The following RNF187 variants were observed in gnomAD, a reference collection of about 807,000 sequenced individuals.
RNF187 encodes ring finger protein 187, also known as E3 ubiquitin-protein ligase RNF187.
RNF187 carries 18 observed loss-of-function variants against 22.2 expected under a neutral mutation model. The ratio of observed to expected loss-of-function variants is 0.81; its 90% CI spans 0.56 to 1.20. The LOEUF (loss-of-function observed/expected upper bound fraction) is 1.20, where lower values mean the gene tolerates loss of function less well. Among genes scored for constraint, RNF187 ranks in the 50% most tolerant of loss-of-function variants. The pLI, the probability that RNF187 is intolerant of heterozygous loss-of-function variation, is 0.00. For missense variants in RNF187, 329 were observed against 317.6 expected (o/e 1.04, Z -0.27); for synonymous variants, 164 against 140.9 (o/e 1.16, Z -1.16).
chr1:228,493,141 A>T lies in RNF187; in HGVS notation c.572A>T (p.Gln191Leu). 1 of 1,551,730 alleles carries T rather than the reference A, an allele frequency of 6.4e-7. No individual in the cohort carries two copies. Among genetic ancestry groups the T allele is most frequent in the Non-Finnish European group, 8.7e-7 (1 of 1,146,986 alleles). The change falls in exon 3 of 4, where the codon CAG becomes CTG. Residue 191 changes from glutamine to leucine, a missense_variant. Transcript: ENST00000305943. This position sits in a 1 kb window ranked among gnomAD's most constrained non-coding sequence, Gnocchi z 4.7. ...GTGGAGGAGGAGGAGCATTTCCTGC[A>T]GGAGGCTGAGAAGGAGGAGGGGCTC...
In RNF187 at chr1:228,487,796, C is replaced by G; in HGVS notation, c.308C>G (p.Pro103Arg). ...CTGCTGTGCCGCGCCGACGCCGGCC[C>G]GCTCTGCGCCGCCTGCCGTATGGCT... The change falls in exon 1 of 4, where the codon CCG becomes CGG. Residue 103 changes from proline (P) to arginine (R), a missense_variant. Pro to Arg is a moderately radical substitution (Grantham distance 103). Coordinates refer to ENST00000305943, the MANE Select transcript of RNF187 (RefSeq NM_001010858.3). The G allele has an allele frequency of 8.9e-7, 1 of 1,128,542 alleles. No individual in the cohort carries two copies. The highest frequency in any genetic ancestry group is 1.1e-6 in the Non-Finnish European group (1 of 921,684). The allele number at this position is 1,128,542 out of a possible 1,614,324, so 69.9% of individuals were successfully genotyped here. A position where few individuals can be genotyped will look rare whatever the true frequency, so the allele number is the denominator to read the frequency against.
At position 228,493,290 on chromosome 1, in the gene RNF187, T is replaced by G; in HGVS notation, c.705+16T>G. The stretch of plus-strand genomic sequence containing the variant: ...GCTGCTGCAGGTGCGGGAGCCCCGC[T>G]GGGTCTGCCCACCATCGGGCCAGGG... On this transcript the variant is annotated intron_variant, in intron 3 of 3. Transcript: ENST00000305943. This position sits in a 1 kb window ranked among gnomAD's most constrained non-coding sequence, Gnocchi z 4.7. The G allele has an allele frequency of 6.5e-7, 1 of 1,545,852 alleles. No individual in the cohort carries two copies. The highest frequency in any genetic ancestry group is 8.7e-7 in the Non-Finnish European group (1 of 1,144,436).
chr1:228,494,414 C>T lies in RNF187; in HGVS notation c.*529C>T. On this transcript the variant is annotated 3_prime_UTR_variant, in exon 4 of 4. Transcript: ENST00000305943. The stretch of plus-strand genomic sequence containing the variant: ...TGCACCTTGATGCCTCCTGAGGAGG[C>T]GGCCCCCCTCTTGAGGTGGGCGTGG... 43 of 996,998 alleles carry T rather than the reference C, an allele frequency of 4.3e-5. No individual in the cohort carries two copies. In the East Asian group the frequency reaches 9.5e-4, roughly 22 times the overall value. The allele number at this position is 996,998 out of a possible 1,614,324, so 61.8% of individuals were successfully genotyped here.
Position 228,493,524 on chromosome 1 carries a change from C to G in RNF187, c.705+250C>G. ...AGGAGGGCACTTGGCATCCCGAGTG[C>G]CCGAGCATGGAAGGCTCCTGCCTCG... is the stretch of plus-strand genomic sequence containing the variant. On this transcript the variant is annotated intron_variant, in intron 3 of 3. Transcript: ENST00000305943. The surrounding 1 kb of genome is among the most constrained non-coding windows in gnomAD (Gnocchi z 4.7). Among the ~76,000 whole-genome samples the G allele has an allele frequency of 2.6e-5, 4 of 152,238 alleles. No individual in the cohort carries two copies. The highest frequency in any genetic ancestry group is 5.9e-5 in the Non-Finnish European group (4 of 68,044).
chr1:228,494,416 G>GC lies in RNF187; in HGVS notation c.*537dup. The GC allele has an allele frequency of 9.0e-6, 9 of 996,292 alleles. No homozygotes were observed. Among genetic ancestry groups the GC allele is most frequent in the South Asian group, 4.5e-5 (1 of 22,380 alleles). 61.7% of individuals were successfully genotyped at this position (996,292 alleles called of 1,614,324 possible). ...CACCTTGATGCCTCCTGAGGAGGCG[G>GC]CCCCCCTCTTGAGGTGGGCGTGGGC... On this transcript the variant is annotated 3_prime_UTR_variant, in exon 4 of 4. Transcript: ENST00000305943.
intron 1 of RNF187, 107 bp from the exon 2 acceptor site, chr1:228,488,853 G>C: frequency 1.2e-6 from 1 of 863,880 alleles, no homozygotes; most frequent in South Asian, 1.5e-5. Context: ...TTATCTCTGG[G>C]ATGGTCAGAC....
At position 228,494,215 on chromosome 1, in the gene RNF187, G is replaced by A; in HGVS notation, c.*330G>A. 3.6e-5 allele frequency: 47 copies of A among 1,308,464 alleles called. No homozygotes were observed. Among genetic ancestry groups the A allele is most frequent in the South Asian group, 3.0e-4 (17 of 57,560 alleles). 81.1% of individuals were successfully genotyped at this position (1,308,464 alleles called of 1,614,324 possible). A position where few individuals can be genotyped will look rare whatever the true frequency, so the allele number is the denominator to read the frequency against. On this transcript the variant is annotated 3_prime_UTR_variant, in exon 4 of 4. Transcript: ENST00000305943. ...TGGTCACCCATCTGCCCCTCACCTCGTCATCCAGGGACCCAGACCCTGCAC... is the reference window on the plus strand; with the variant it reads ...TGGTCACCCATCTGCCCCTCACCTCATCATCCAGGGACCCAGACCCTGCAC...
In RNF187 at chr1:228,493,837, CTT is replaced by C; in HGVS notation, c.706-44_706-43del. On this transcript the variant is annotated intron_variant, in intron 3 of 3. Coordinates refer to ENST00000305943, the MANE Select transcript of RNF187 (RefSeq NM_001010858.3). The surrounding 1 kb of genome is among the most constrained non-coding windows in gnomAD (Gnocchi z 4.7). The stretch of plus-strand genomic sequence containing the variant: ...CCTCTGTCTCTGACTCTGTGTGTCT[CTT>C]TCTCTTTTTGTCTCTCTGTCTTTCC... 6.5e-7 allele frequency: 1 copy of C among 1,545,604 alleles called. No individual in the cohort carries two copies. Among genetic ancestry groups the C allele is most frequent in the East Asian group, 2.4e-5 (1 of 40,892 alleles).
At position 228,495,237 on chromosome 1, in the gene RNF187, A is replaced by AG; in HGVS notation, c.*1357dup. On this transcript the variant is annotated 3_prime_UTR_variant, in exon 4 of 4. Coordinates refer to ENST00000305943, the MANE Select transcript of RNF187 (RefSeq NM_001010858.3). ...TGACTGTGAGGAGACATCAGGGCTG[A>AG]GGGGGCTCTGGCTAAACCCACCTCA... 1 of 229,980 alleles carries AG rather than the reference A, an allele frequency of 4.3e-6. No homozygotes were observed. The highest frequency in any genetic ancestry group is 7.2e-6 in the Non-Finnish European group (1 of 139,518). The allele number at this position is 229,980 out of a possible 1,614,324, so 14.2% of individuals were successfully genotyped here.
intron 2 of RNF187, among the ~76,000 whole-genome samples, chr1:228,491,408 AAT>A: frequency 3.4e-4 from 51 of 150,974 alleles, no homozygotes; most frequent in East Asian, 5.9e-4. Flanking sequence ...AAAAAAAAAA[AAT>A]AAAGGGAGAT....
chr1:228,492,339 C>T, intron 2 of RNF187, among the ~76,000 whole-genome samples: 58 of 151,836 alleles, frequency 3.8e-4, no homozygotes, highest in African/African-American at 1.3e-3. Flanking sequence ...CATGAGGCAC[C>T]GTGCCAGGCC....
Position 228,493,273 on chromosome 1 carries a change from AG to A in RNF187, c.705+1del, listed in dbSNP as rs1659012528. ...AACCTGGGCCTCAGCATGCTGCTGCAGGTGCGGGAGCCCCGCTGGGTCTGCC... is the reference window on the plus strand; with the variant it reads ...AACCTGGGCCTCAGCATGCTGCTGCAGTGCGGGAGCCCCGCTGGGTCTGCC... On this transcript the variant is annotated frameshift_variant and splice_region_variant, in exon 3 of 4. Transcript: ENST00000305943. LOFTEE classifies it high-confidence loss of function. This position sits in a 1 kb window ranked among gnomAD's most constrained non-coding sequence, Gnocchi z 4.7. 6.5e-7 allele frequency: 1 copy of A among 1,549,004 alleles called. No homozygotes were observed. The highest frequency in any genetic ancestry group is 1.4e-5 in the African/African-American group (1 of 73,004).
At chr1:228,492,048 C>T in intron 2 of RNF187, among the ~76,000 whole-genome samples, 2 of 151,876 alleles carry the variant, frequency 1.3e-5, no homozygotes, top group African/African-American at 2.4e-5. Flanking sequence ...GGTGATCTTG[C>T]ACTGTTTTTT....
chr1:228,494,243 T>A lies in RNF187; in HGVS notation c.*358T>A. ...ATCCAGGGACCCAGACCCTGCACCT[T>A]CCATGTGGGCCCACAGATCCTTGGC... On this transcript the variant is annotated 3_prime_UTR_variant, in exon 4 of 4. Transcript: ENST00000305943. 1 of 1,242,718 alleles carries A rather than the reference T, an allele frequency of 8.0e-7. No homozygotes were observed. Among genetic ancestry groups the A allele is most frequent in the Non-Finnish European group, 1.0e-6 (1 of 981,602 alleles). 77.0% of individuals were successfully genotyped at this position (1,242,718 alleles called of 1,614,324 possible). A position where few individuals can be genotyped will look rare whatever the true frequency, so the allele number is the denominator to read the frequency against.
chr1:228,487,910 G>T, intron 1 of RNF187, 32 bp downstream of exon 1: 1 of 1,094,230 alleles, frequency 9.1e-7, no homozygotes, highest in Non-Finnish European at 1.1e-6. Context: ...GCCCCACCCC[G>T]GACGGTGCCC....
intron 1 of RNF187, 109 bp downstream of exon 1, chr1:228,487,987 C>T: frequency 2.9e-6 from 2 of 681,346 alleles, no homozygotes; most frequent in Non-Finnish European, 3.7e-6. Flanking sequence ...CTGTTCCTGT[C>T]CCCGGATTGT....
intron 2 of RNF187, among the ~76,000 whole-genome samples, chr1:228,489,630 G>C: frequency 6.6e-6 from 1 of 152,096 alleles, no homozygotes; most frequent in Non-Finnish European, 1.5e-5. Context: ...TCTGATCTGA[G>C]AGTTGCTCAT....
Position 228,494,452 on chromosome 1 carries a change from C to G in RNF187, c.*567C>G. The G allele has an allele frequency of 3.2e-5, 32 of 991,048 alleles. No homozygotes were observed. The highest frequency in any genetic ancestry group is 3.5e-5 in the Non-Finnish European group (29 of 833,080). 61.4% of individuals were successfully genotyped at this position (991,048 alleles called of 1,614,324 possible). On this transcript the variant is annotated 3_prime_UTR_variant, in exon 4 of 4. Coordinates refer to ENST00000305943, the MANE Select transcript of RNF187 (RefSeq NM_001010858.3). Reference sequence around the variant, plus strand: ...GAGGTGGGCGTGGGCCCGGCCCAGCCTTATCCAAGTCGCTCTGTCCACCTC... The same window carrying G: ...GAGGTGGGCGTGGGCCCGGCCCAGCGTTATCCAAGTCGCTCTGTCCACCTC...
chr1:228,492,510 T>C, intron 2 of RNF187, among the ~76,000 whole-genome samples: 130,025 of 150,444 alleles, frequency 0.86, 56,378 homozygotes, highest in East Asian at 0.99. Context: ...GTAGTAGAGA[T>C]GGGGTTTCAG....
Sources: gnomAD v4.1 joint callset for allele counts (sites outside exome capture counted in the v4.1 genomes callset) on GRCh38, gnomAD v4.1.1 for gene constraint, Gnocchi (gnomAD v3.1) non-coding constraint, MANE v1.5 for transcripts, NCBI Gene and HGNC (gene_info 2026-07-23, HGNC 2026-07-21) for gene names.